FAM13A: variants seen among roughly 807,000 people sequenced by gnomAD.
The protein encoded by FAM13A is protein FAM13A.
In FAM13A, 76 loss-of-function variants were observed where a neutral mutation model predicts 129.6. The observed-to-expected ratio is 0.59, with a 90% CI of 0.49 to 0.71. The LOEUF is 0.71. Ranked by LOEUF, FAM13A falls within the 30% of genes least tolerant of loss-of-function variation. FAM13A has a pLI of 0.00. For missense variants in FAM13A, 1,108 were observed against 1,249.3 expected (o/e 0.89, Z 1.70); for synonymous variants, 443 against 449.9 (o/e 0.98, Z 0.20).
In FAM13A at chr4:88,935,438, G is replaced by A. The variant is rs184443515; in HGVS notation, c.759+2650C>T. 5.1e-4 allele frequency among the ~76,000 whole-genome samples: 77 copies of A among 152,262 alleles called. 2 individuals are homozygous for A. Among genetic ancestry groups the A allele is most frequent in the Non-Finnish European group, 1.9e-4 (13 of 68,012 alleles). On this transcript the variant is annotated intron_variant, in intron 5 of 23. Transcript: ENST00000264344. ...TATCTAAGTCATTTACATGAGACTT[G>A]CCTTATTCCCAACTCATATATTTTA...
intron 6 of FAM13A, among the ~76,000 whole-genome samples, chr4:88,889,942 A>G (rs1331263862): frequency 6.6e-6 from 1 of 152,226 alleles, no homozygotes; most frequent in Non-Finnish European, 1.5e-5. Flanking sequence ...GGCATTGGTC[A>G]TAATTGTAGA....
intron 3 of FAM13A, chr4:89,009,074 CCTTT>C: frequency 6.6e-6 from 1 of 152,058 alleles, no homozygotes; most frequent in African/African-American, 2.4e-5. Flanking sequence ...GGATCTTTCC[CCTTT>C]CTTTAAAAAA....
Position 88,746,819 on chromosome 4 carries a change from A to C in FAM13A, c.2466+113T>G, listed in dbSNP as rs530314113. 36 of 720,590 alleles carry C rather than the reference A, an allele frequency of 5.0e-5. No homozygotes were observed. The African/African-American group carries it at 5.8e-4, about 12-fold the overall frequency. 44.6% of individuals were successfully genotyped at this position (720,590 alleles called of 1,614,324 possible). A position where few individuals can be genotyped will look rare whatever the true frequency, so the allele number is the denominator to read the frequency against. Reference sequence around the variant, plus strand: ...ATATATACTAACCTCCTTTATCCTAAAAGTAAAGCAAGCAAACATTAGGGA... The same window carrying C: ...ATATATACTAACCTCCTTTATCCTACAAGTAAAGCAAGCAAACATTAGGGA... On this transcript the variant is annotated intron_variant, in intron 19 of 23. Coordinates refer to ENST00000264344, the MANE Select transcript of FAM13A (RefSeq NM_014883.4).
chr4:88,758,792 G>C lies in FAM13A; in HGVS notation c.1688C>G (p.Ser563Trp). 1 of 1,613,956 alleles carries C rather than the reference G, an allele frequency of 6.2e-7. No individual in the cohort carries two copies. The highest frequency in any genetic ancestry group is 2.2e-5 in the East Asian group (1 of 44,880). ...TTCATCACACAATGCAGTCAGGTCC[G>C]ACTGGGGCACTTCGGAGACAAAGCT... ...EESFVSEVPQ[S>W]DLTALCDEKN... Residue 563 changes from serine to tryptophan, a missense_variant, in exon 14 of 24, where the codon TCG becomes TGG. Around this residue, in one of 3 missense-constraint regions of FAM13A, gnomAD observed 529 missense variants for 621.2 expected, o/e 0.85. Coordinates refer to ENST00000264344, the MANE Select transcript of FAM13A (RefSeq NM_014883.4).
intron 6 of FAM13A, among the ~76,000 whole-genome samples, chr4:88,866,161 C>T (rs1257462995): frequency 1.3e-5 from 2 of 152,108 alleles, no homozygotes; most frequent in African/African-American, 4.8e-5. Flanking sequence ...GTTCTCCTGC[C>T]TCAGCCTCCC....
At chr4:88,932,683 T>A (rs537775712) in intron 5 of FAM13A, among the ~76,000 whole-genome samples, 1 of 152,190 alleles carries the variant, frequency 6.6e-6, no homozygotes, top group Non-Finnish European at 1.5e-5. Context: ...GTTTATATGG[T>A]AAGTGACTTT....
intron 6 of FAM13A, among the ~76,000 whole-genome samples, chr4:88,895,058 A>G (rs1746050381): frequency 6.6e-6 from 1 of 152,108 alleles, no homozygotes; most frequent in Admixed American, 6.5e-5. Context: ...ATGGCTAAAT[A>G]TGATATGACA....
chr4:88,812,263 G>A (rs990999453), intron 7 of FAM13A, among the ~76,000 whole-genome samples: 16 of 152,072 alleles, frequency 1.1e-4, no homozygotes, highest in Non-Finnish European at 2.2e-4. Context: ...CAAATTGTAC[G>A]GATTATGTCT....
At chr4:88,738,918 G>A in intron 20 of FAM13A, 112 bp downstream of exon 20, 3 of 706,892 alleles carry the variant, frequency 4.2e-6, no homozygotes, top group East Asian at 5.2e-5. Context: ...GGCTGATTCA[G>A]CAATTAAAGC....
chr4:88,799,149 G>C (rs1726876650), intron 8 of FAM13A, among the ~76,000 whole-genome samples: 1 of 152,038 alleles, frequency 6.6e-6, no homozygotes, highest in Non-Finnish European at 1.5e-5. Flanking sequence ...TCAATAATGA[G>C]TCTTAAAAAT....
At chr4:88,970,282 ACGGTTG>A (rs1456719348) in intron 4 of FAM13A, among the ~76,000 whole-genome samples, 1 of 152,168 alleles carries the variant, frequency 6.6e-6, no homozygotes, top group Admixed American at 6.5e-5. Context: ...TAATATAATT[ACGGTTG>A]CCCATCTTTA....
intron 6 of FAM13A, among the ~76,000 whole-genome samples, chr4:88,868,595 C>T (rs1740836639): frequency 6.6e-6 from 1 of 152,166 alleles, no homozygotes; most frequent in African/African-American, 2.4e-5. Flanking sequence ...AATCCATACT[C>T]TTTGGTCTCA....
intron 7 of FAM13A, among the ~76,000 whole-genome samples, chr4:88,838,630 G>A (rs1366812622): frequency 2.6e-5 from 4 of 152,014 alleles, no homozygotes; most frequent in African/African-American, 9.7e-5. Flanking sequence ...GGGAGGCTGA[G>A]GCAGGAGAAT....
chr4:88,954,748 T>C (rs762394482), intron 4 of FAM13A, among the ~76,000 whole-genome samples: 2 of 151,920 alleles, frequency 1.3e-5, no homozygotes, highest in Non-Finnish European at 2.9e-5. Context: ...TAGCCAGGTA[T>C]GGTGGTGCGC....
At chr4:88,974,308 T>C (rs575492418) in intron 4 of FAM13A, among the ~76,000 whole-genome samples, 34 of 152,290 alleles carry the variant, frequency 2.2e-4, no homozygotes, top group South Asian at 6.2e-4. Flanking sequence ...CCTGTCTGTC[T>C]GACCAATTTT....
intron 1 of FAM13A, among the ~76,000 whole-genome samples, chr4:89,053,015 GCAGTTAAA>G (rs1413484481): frequency 2.0e-5 from 3 of 152,250 alleles, no homozygotes; most frequent in African/African-American, 7.2e-5. Flanking sequence ...TAAACTATAA[GCAGTTAAA>G]CAGTTACAAG....
chr4:88,734,703 A>C (rs1420834579), intron 21 of FAM13A, among the ~76,000 whole-genome samples: 1 of 152,162 alleles, frequency 6.6e-6, no homozygotes, highest in African/African-American at 2.4e-5. Context: ...GTGCCACACT[A>C]CTGGCCTCTA....
intron 6 of FAM13A, among the ~76,000 whole-genome samples, chr4:88,899,738 T>A (rs1466909833): frequency 3.9e-5 from 6 of 152,068 alleles, no homozygotes; most frequent in Non-Finnish European, 8.8e-5. Flanking sequence ...TCCAAATGAC[T>A]GCAACACCTC....
chr4:88,787,312 T>C (rs183887369), intron 10 of FAM13A, among the ~76,000 whole-genome samples: 10 of 152,288 alleles, frequency 6.6e-5, no homozygotes, highest in South Asian at 6.2e-4. Flanking sequence ...CAGAGTATTA[T>C]AGGGATATCT....
Sources: allele counts gnomAD v4.1 joint callset (sites outside exome capture counted in the v4.1 genomes callset), GRCh38; gene constraint gnomAD v4.1.1; regional missense constraint gnomAD v4.1.1; transcripts MANE v1.5; gene names NCBI Gene and HGNC (gene_info 2026-07-23, HGNC 2026-07-21).